MTHFD1L: variants seen among roughly 807,000 people sequenced by gnomAD.
MTHFD1L encodes monofunctional C1-tetrahydrofolate synthase, mitochondrial.
Under a neutral mutation model 119.5 loss-of-function variants are expected in MTHFD1L, and 81 were observed. That is an observed-to-expected ratio of 0.68 (90% confidence interval 0.57 to 0.82). The LOEUF (loss-of-function observed/expected upper bound fraction) is 0.82. Among genes scored for constraint, MTHFD1L ranks in the 40% least tolerant of loss-of-function variants. MTHFD1L has a pLI of 0.00. For missense variants in MTHFD1L, 1,125 were observed against 1,253.4 expected (o/e 0.90, Z 1.55); for synonymous variants, 430 against 475.2 (o/e 0.90, Z 1.24).
intron 26 of MTHFD1L, among the ~76,000 whole-genome samples, chr6:151,049,424 G>A (rs775740303): frequency 1.9e-4 from 29 of 151,852 alleles, no homozygotes; most frequent in Non-Finnish European, 2.2e-4. Context: ...CCCGGGAGGC[G>A]GAGCTTGCAG....
chr6:150,865,893 G>T lies in MTHFD1L; in HGVS notation c.71G>T (p.Arg24Leu), dbSNP rs1778210162. The T allele has an allele frequency of 1.7e-6, 2 of 1,197,690 alleles. No individual in the cohort carries two copies. The highest frequency in any genetic ancestry group is 3.8e-5 in the East Asian group (1 of 26,342). 74.2% of individuals were successfully genotyped at this position (1,197,690 alleles called of 1,614,324 possible). Residue 24 changes from arginine (R) to leucine (L), a missense_variant, in exon 1 of 28, where the codon CGC (arginine) becomes CTC (leucine). Around this residue, in one of 3 missense-constraint regions of MTHFD1L, gnomAD observed 1,058 missense variants for 1,151.2 expected, o/e 0.92. Transcript: ENST00000367321. ...RPPQPPGPPR[R>L]LRVPCRASSG... ...CCCCAGCCCCCGGGCCCTCCGCGCC[G>T]CCTCCGTGTGCCCTGTCGCGCTAGC...
intron 8 of MTHFD1L, among the ~76,000 whole-genome samples, chr6:150,914,806 C>G (rs1787568015): frequency 1.3e-5 from 2 of 152,148 alleles, no homozygotes; most frequent in African/African-American, 4.8e-5. Context: ...TTGGGCTTAT[C>G]CAGGGTCCAT....
chr6:151,031,223 C>T (rs1273312571), intron 24 of MTHFD1L, among the ~76,000 whole-genome samples: 1 of 152,242 alleles, frequency 6.6e-6, no homozygotes, highest in Non-Finnish European at 1.5e-5. Context: ...AAAACGACTT[C>T]CTTCTAACGT....
intron 7 of MTHFD1L, among the ~76,000 whole-genome samples, chr6:150,900,085 T>G (rs1382402427): frequency 6.6e-6 from 1 of 151,566 alleles, no homozygotes; most frequent in East Asian, 1.9e-4. Context: ...TCTGCCTGAA[T>G]GAAATCTCCA....
intron 26 of MTHFD1L, among the ~76,000 whole-genome samples, chr6:151,062,793 T>C (rs73780401): frequency 0.013 from 1,994 of 152,122 alleles, 45 homozygotes; most frequent in African/African-American, 0.045. Context: ...CATTCTTGGA[T>C]GGCCTTTAAC....
chr6:150,967,037 C>T (rs2129011405), intron 19 of MTHFD1L, among the ~76,000 whole-genome samples: 1 of 152,334 alleles, frequency 6.6e-6, no homozygotes, highest in Non-Finnish European at 1.5e-5. Context: ...CTCCCCTGAT[C>T]ATTCTGCCAG....
Position 151,034,616 on chromosome 6 carries a change from T to A in MTHFD1L, c.2694+16T>A. On this transcript the variant is annotated intron_variant, in intron 25 of 27. Coordinates refer to ENST00000367321, the MANE Select transcript of MTHFD1L (RefSeq NM_015440.5). ...CACTCAACAGGTAAAAGTTCTACTT[T>A]TAGGGGAAAAGAAAAAATTCACCTT... The A allele has an allele frequency of 1.9e-6, 3 of 1,559,654 alleles. No homozygotes were observed. Among genetic ancestry groups the A allele is most frequent in the Non-Finnish European group, 2.6e-6 (3 of 1,132,758 alleles).
At chr6:150,919,094 C>G (rs1788466466) in intron 9 of MTHFD1L, among the ~76,000 whole-genome samples, 1 of 149,506 alleles carries the variant, frequency 6.7e-6, no homozygotes, top group Non-Finnish European at 1.5e-5. Flanking sequence ...ACCCAGGAGA[C>G]AGAGGTTGTG....
chr6:151,071,983 C>T (rs1791995365), intron 26 of MTHFD1L, among the ~76,000 whole-genome samples: 1 of 151,852 alleles, frequency 6.6e-6, no homozygotes, highest in South Asian at 2.1e-4. Flanking sequence ...GCTGGGATTC[C>T]AGGCACCCAC....
intron 20 of MTHFD1L, among the ~76,000 whole-genome samples, chr6:150,986,660 C>T (rs375489548): frequency 6.6e-6 from 1 of 152,270 alleles, no homozygotes; most frequent in East Asian, 1.9e-4. Context: ...TCCTGCTGTG[C>T]GACCCAGTTC....
In MTHFD1L at chr6:150,926,558, T is replaced by C. The variant is rs803454; in HGVS notation, c.1256+263T>C. ...CATATTATGTTGTTATTACCCCTGCTCCTCCTTGACTTTTTGAATTTCATT... is the reference window on the plus strand; with the variant it reads ...CATATTATGTTGTTATTACCCCTGCCCCTCCTTGACTTTTTGAATTTCATT... On this transcript the variant is annotated intron_variant, in intron 11 of 27. Coordinates refer to ENST00000367321, the MANE Select transcript of MTHFD1L (RefSeq NM_015440.5). This position sits in a 1 kb window ranked among gnomAD's most constrained non-coding sequence, Gnocchi z 4.3. Among the ~76,000 whole-genome samples the C allele has an allele frequency of 0.91, 139,214 of 152,236 alleles. 63,855 individuals are homozygous for C. Among genetic ancestry groups the C allele is most frequent in the Middle Eastern group, 0.96 (279 of 292 alleles).
rs529742775 is a variant in MTHFD1L at position 151,079,785 on chromosome 6, G to A, written c.2848-12682G>A. On this transcript the variant is annotated intron_variant, in intron 26 of 27. Transcript: ENST00000367321. ...ATTACAGGTGTGAGCCACTTCGCCT[G>A]GCCATGGGAACAGTCATGTTGCATA... 1.2e-4 allele frequency among the ~76,000 whole-genome samples: 18 copies of A among 151,790 alleles called. 1 individual carries two copies. The South Asian group carries it at 3.6e-3, about 30-fold the overall frequency.
chr6:150,938,576 G>A (rs1041215090), intron 12 of MTHFD1L, 123 bp from the exon 13 acceptor site: 67 of 957,238 alleles, frequency 7.0e-5, no homozygotes, highest in Non-Finnish European at 1.1e-4. Context: ...ACTGCCTTTT[G>A]TTACTTCATC....
intron 16 of MTHFD1L, among the ~76,000 whole-genome samples, chr6:150,952,214 C>T (rs935224388): frequency 2.6e-5 from 4 of 152,182 alleles, no homozygotes; most frequent in African/African-American, 4.8e-5. Flanking sequence ...AACTTTATTG[C>T]TGTGGACAAG....
chr6:151,017,588 AC>A lies in MTHFD1L; in HGVS notation c.2586+1898del, dbSNP rs369980669. Among the ~76,000 whole-genome samples the A allele has an allele frequency of 3.4e-4, 51 of 152,054 alleles. 2 individuals carry two copies. The highest frequency in any genetic ancestry group is 3.4e-3 in the Middle Eastern group (1 of 292). Reference sequence around the variant, plus strand: ...TCTCAAACTCCTGACCTTGTGATCCACCCACCTCGGCTTCCCAAAGTGCTGG... The same window carrying A: ...TCTCAAACTCCTGACCTTGTGATCCACCACCTCGGCTTCCCAAAGTGCTGG... On this transcript the variant is annotated intron_variant, in intron 24 of 27. Transcript: ENST00000367321.
intron 27 of MTHFD1L, among the ~76,000 whole-genome samples, chr6:151,094,130 A>G (rs1269322748): frequency 3.3e-5 from 5 of 152,098 alleles, no homozygotes; most frequent in African/African-American, 1.2e-4. Flanking sequence ...TGTCCTCACC[A>G]TATTCTAAAG....
intron 20 of MTHFD1L, among the ~76,000 whole-genome samples, chr6:150,996,174 G>C (rs1262483918): frequency 1.3e-5 from 2 of 152,144 alleles, no homozygotes; most frequent in South Asian, 4.1e-4. Context: ...GCAGCAGGGT[G>C]CCTTCTTGGG....
chr6:150,914,811 G>A (rs1004795519), intron 8 of MTHFD1L, among the ~76,000 whole-genome samples: 1 of 152,116 alleles, frequency 6.6e-6, no homozygotes, highest in East Asian at 1.9e-4. Flanking sequence ...CTTATCCAGG[G>A]TCCATGAAGA....
intron 26 of MTHFD1L, among the ~76,000 whole-genome samples, chr6:151,075,977 G>T (rs4869982): frequency 0.033 from 5,066 of 152,214 alleles, 173 homozygotes; most frequent in Admixed American, 0.11. Flanking sequence ...TTTCACCCAA[G>T]AAAATACATG....
Sources: gnomAD v4.1 joint callset for allele counts (sites outside exome capture counted in the v4.1 genomes callset) on GRCh38, gnomAD v4.1.1 for gene constraint, gnomAD v4.1.1 regional missense constraint, Gnocchi (gnomAD v3.1) non-coding constraint, MANE v1.5 for transcripts, NCBI Gene and HGNC (gene_info 2026-07-23, HGNC 2026-07-21) for gene names.